Variants in CCDC175 observed in about 807,000 individuals in gnomAD.
CCDC175 encodes coiled-coil domain-containing protein 175.
CCDC175 carries 100 observed loss-of-function variants against 114.6 expected under a neutral mutation model. That is an observed-to-expected ratio of 0.87 (90% CI 0.74 to 1.03). The LOEUF is 1.03. Ranked by LOEUF, CCDC175 falls within the 50% of genes least tolerant of loss-of-function variation. The pLI, the probability that CCDC175 is intolerant of heterozygous loss-of-function variation, is 0.00. For synonymous variants in CCDC175, 306 were observed against 308.7 expected, an observed-to-expected ratio of 0.99 and a Z score of 0.09; for missense variants, 880 against 917.8, an observed-to-expected ratio of 0.96 and a Z score of 0.53.
At position 59,510,775 on chromosome 14, in the gene CCDC175, C is replaced by A; in HGVS notation, c.2176G>T (p.Asp726Tyr). 6.5e-7 allele frequency: 1 copy of A among 1,537,342 alleles called. No homozygotes were observed. Among genetic ancestry groups the A allele is most frequent in the Non-Finnish European group, 8.7e-7 (1 of 1,146,900 alleles). Reference sequence around the variant, plus strand: ...AGCTTGTCTGTTAGATTGTTTATGTCTTGCAAGGTCTCTTCACCATTGTCC... The same window carrying A: ...AGCTTGTCTGTTAGATTGTTTATGTATTGCAAGGTCTCTTCACCATTGTCC... ...LVDNGEETLQ[D>Y]INNLTDKLRE... is the part of the protein sequence containing the mutation. Residue 726 changes from aspartate (D) to tyrosine (Y), a missense_variant, in exon 19 of 20, where the codon GAC becomes TAC. Physicochemically the swap from Asp to Tyr is radical, Grantham distance 160. Coordinates refer to ENST00000537690, the MANE Select transcript of CCDC175 (RefSeq NM_001164399.2).
At chr14:59,517,548 C>T (rs1349907612) in intron 17 of CCDC175, among the ~76,000 whole-genome samples, 2 of 152,142 alleles carry the variant, frequency 1.3e-5, no homozygotes, top group East Asian at 1.9e-4. Context: ...AGAGCCAAAT[C>T]GTGAGTGAAC....
intron 18 of CCDC175, 40 bp downstream of exon 18, chr14:59,511,720 T>C: frequency 1.3e-6 from 2 of 1,501,488 alleles, no homozygotes; most frequent in South Asian, 1.2e-5. Context: ...TTTGGAAATA[T>C]GATATTTATA....
intron 5 of CCDC175, chr14:59,564,293 GCT>G: frequency 1.3e-5 from 2 of 152,968 alleles, no homozygotes. Flanking sequence ...AATAAAACCA[GCT>G]AAACACAGAG....
chr14:59,570,120 G>A (rs982457377), intron 3 of CCDC175, among the ~76,000 whole-genome samples: 5 of 152,140 alleles, frequency 3.3e-5, no homozygotes, highest in Non-Finnish European at 7.4e-5. Flanking sequence ...ACCCAAGGGG[G>A]TGCCAGAGAA....
intron 2 of CCDC175, among the ~76,000 whole-genome samples, chr14:59,574,011 T>A (rs948822232): frequency 6.6e-6 from 1 of 152,182 alleles, no homozygotes; most frequent in Non-Finnish European, 1.5e-5. Context: ...CTTAAAATCC[T>A]AGCGAAAGAC....
At chr14:59,574,603 T>A (rs1381945020) in intron 2 of CCDC175, among the ~76,000 whole-genome samples, 2 of 152,254 alleles carry the variant, frequency 1.3e-5, no homozygotes, top group Admixed American at 6.5e-5. Flanking sequence ...TTGTTTGTTT[T>A]AAGCAATGCT....
chr14:59,526,303 G>C (rs111489600), intron 15 of CCDC175, among the ~76,000 whole-genome samples: 1 of 151,466 alleles, frequency 6.6e-6, no homozygotes, highest in African/African-American at 2.4e-5. Flanking sequence ...ATTTTATAAC[G>C]TATTAAAAGT....
intron 8 of CCDC175, among the ~76,000 whole-genome samples, chr14:59,549,368 C>T (rs987900131): frequency 1.8e-4 from 27 of 152,084 alleles, no homozygotes; most frequent in Non-Finnish European, 3.5e-4. Flanking sequence ...TAAAAATTAG[C>T]TGGGCATGGT....
intron 3 of CCDC175, among the ~76,000 whole-genome samples, chr14:59,570,148 G>A (rs892738747): frequency 3.3e-5 from 5 of 151,488 alleles, no homozygotes; most frequent in Admixed American, 1.3e-4. Context: ...ATGCAGAGGT[G>A]CCTCATTGGT....
At chr14:59,509,820 T>C (rs527250042) in intron 19 of CCDC175, among the ~76,000 whole-genome samples, 1 of 152,326 alleles carries the variant, frequency 6.6e-6, no homozygotes, top group East Asian at 1.9e-4. Flanking sequence ...CTTTTTACTT[T>C]TATCCCATTT....
At chr14:59,570,244 G>A (rs182510522) in intron 3 of CCDC175, among the ~76,000 whole-genome samples, 214 of 152,230 alleles carry the variant, frequency 1.4e-3, no homozygotes, top group African/African-American at 4.9e-3. Context: ...TGGAGAAGTT[G>A]CACACACTGC....
At chr14:59,550,346 G>T (rs1181046985) in intron 8 of CCDC175, among the ~76,000 whole-genome samples, 1 of 151,868 alleles carries the variant, frequency 6.6e-6, no homozygotes, top group Non-Finnish European at 1.5e-5. Flanking sequence ...CCTAATGAAG[G>T]CTTCATTGAA....
intron 6 of CCDC175, among the ~76,000 whole-genome samples, chr14:59,562,518 AT>A (rs1240229311): frequency 6.6e-6 from 1 of 152,202 alleles, no homozygotes; most frequent in Non-Finnish European, 1.5e-5. Context: ...TAGAACTAAG[AT>A]TTGAACGCAG....
At chr14:59,576,424 G>A (rs955075790) in intron 1 of CCDC175, among the ~76,000 whole-genome samples, 195 bp downstream of exon 1, 2 of 152,156 alleles carry the variant, frequency 1.3e-5, no homozygotes, top group African/African-American at 4.8e-5. Flanking sequence ...AGCTGCGCTA[G>A]GGCAGGAGAT....
chr14:59,552,450 C>T (rs1201944845), intron 7 of CCDC175, among the ~76,000 whole-genome samples: 1 of 152,218 alleles, frequency 6.6e-6, no homozygotes, highest in Non-Finnish European at 1.5e-5. Context: ...AGGACATCCA[C>T]ACCAAAACCC....
chr14:59,573,545 T>A (rs1407159722), intron 2 of CCDC175, among the ~76,000 whole-genome samples: 1 of 152,132 alleles, frequency 6.6e-6, no homozygotes, highest in Non-Finnish European at 1.5e-5. Flanking sequence ...CTTATCTATT[T>A]TTTCTTAATT....
At chr14:59,534,943 T>C (rs1371813524) in intron 13 of CCDC175, among the ~76,000 whole-genome samples, 1 of 152,160 alleles carries the variant, frequency 6.6e-6, no homozygotes, top group South Asian at 2.1e-4. Context: ...AACCTAATGA[T>C]TTTGCTTTTC....
chr14:59,560,870 A>G (rs1896190709), intron 7 of CCDC175, among the ~76,000 whole-genome samples: 1 of 152,142 alleles, frequency 6.6e-6, no homozygotes, highest in Admixed American at 6.5e-5. Context: ...TAATATAGAC[A>G]TTCCAAAGAG....
intron 7 of CCDC175, among the ~76,000 whole-genome samples, chr14:59,557,653 T>C (rs982860247): frequency 1.3e-5 from 2 of 151,928 alleles, no homozygotes; most frequent in Non-Finnish European, 2.9e-5. Flanking sequence ...GAACATGCTT[T>C]CCAGAAAAGT....
Sources: gnomAD v4.1 joint callset for allele counts (sites outside exome capture counted in the v4.1 genomes callset) on GRCh38, gnomAD v4.1.1 for gene constraint, MANE v1.5 for transcripts, NCBI Gene and HGNC (gene_info 2026-07-23, HGNC 2026-07-21) for gene names.